CACNA1E: variants seen among roughly 807,000 people sequenced by gnomAD.
The protein encoded by CACNA1E is voltage-dependent R-type calcium channel subunit alpha-1E.
A neutral mutation model predicts 259.2 loss-of-function variants in CACNA1E; 40 were observed. The ratio of observed to expected loss-of-function variants is 0.15; its 90% CI spans 0.12 to 0.20. CACNA1E has a LOEUF of 0.20. Among genes scored for constraint, CACNA1E ranks in the 10% least tolerant of loss-of-function variants. The pLI, the probability that CACNA1E is intolerant of heterozygous loss-of-function variation, is 1.00. For missense variants in CACNA1E, 1,874 were observed against 3,040.1 expected (o/e 0.62, Z 9.02); for synonymous variants, 1,104 against 1,138.5 (o/e 0.97, Z 0.61).
At chr1:181,774,578 G>T (rs1403203161) in intron 37 of CACNA1E, among the ~76,000 whole-genome samples, 3 of 152,196 alleles carry the variant, frequency 2.0e-5, no homozygotes, top group Non-Finnish European at 2.9e-5. Flanking sequence ...TCACCTCTGT[G>T]GTGTGTCCCT....
chr1:181,578,134 C>T (rs1651159418), intron 4 of CACNA1E, among the ~76,000 whole-genome samples: 1 of 152,202 alleles, frequency 6.6e-6, no homozygotes, highest in African/African-American at 2.4e-5. Flanking sequence ...TATCTTATCA[C>T]TCAGAAATCA....
chr1:181,787,663 A>C (rs556926779), intron 43 of CACNA1E, among the ~76,000 whole-genome samples: 1 of 152,308 alleles, frequency 6.6e-6, no homozygotes, highest in African/African-American at 2.4e-5. Context: ...AAATTACAAG[A>C]GCAATACAGG....
intron 2 of CACNA1E, among the ~76,000 whole-genome samples, chr1:181,444,369 G>T (rs1660680038): frequency 6.6e-6 from 1 of 152,146 alleles, no homozygotes; most frequent in Non-Finnish European, 1.5e-5. Flanking sequence ...TGTGATGTGG[G>T]AGAGATGGAG....
intron 25 of CACNA1E, among the ~76,000 whole-genome samples, chr1:181,749,274 TAGC>T (rs1266689530): frequency 6.6e-6 from 1 of 152,192 alleles, no homozygotes; most frequent in Non-Finnish European, 1.5e-5. Context: ...CACTTCTTCT[TAGC>T]AGCAGGCCAG....
At chr1:181,741,113 A>T (rs553770156) in intron 25 of CACNA1E, among the ~76,000 whole-genome samples, 2 of 152,382 alleles carry the variant, frequency 1.3e-5, no homozygotes, top group South Asian at 4.1e-4. Context: ...GATCTCTAAA[A>T]ATCATGTGTC....
At chr1:181,355,030 C>G (rs1653317757) in intron 1 of CACNA1E, among the ~76,000 whole-genome samples, 1 of 152,176 alleles carries the variant, frequency 6.6e-6, no homozygotes, top group Non-Finnish European at 1.5e-5. Flanking sequence ...AAAGCTGAGC[C>G]CCACTGCCAG....
At position 181,738,280 on chromosome 1, in the gene CACNA1E, G is replaced by A. The variant is rs535611913; in HGVS notation, c.3553-87G>A. On this transcript the variant is annotated intron_variant, in intron 23 of 47. Coordinates refer to ENST00000367573, the MANE Select transcript of CACNA1E (RefSeq NM_001205293.3). Reference sequence around the variant, plus strand: ...GGTGAGGGCCAGGGTGGGCGTGCACGAGTGCATGTGTCCTGGCAGGTGGGA... The same window carrying A: ...GGTGAGGGCCAGGGTGGGCGTGCACAAGTGCATGTGTCCTGGCAGGTGGGA... 242 of 1,032,980 alleles carry A rather than the reference G, an allele frequency of 2.3e-4. 1 individual carries two copies. The highest frequency in any genetic ancestry group is 3.1e-4 in the Non-Finnish European group (203 of 651,234). The allele number at this position is 1,032,980 out of a possible 1,614,324, so 64.0% of individuals were successfully genotyped here. A position where few individuals can be genotyped will look rare whatever the true frequency, so the allele number is the denominator to read the frequency against.
chr1:181,781,349 C>T, intron 38 of CACNA1E, 78 bp from the exon 39 acceptor site: 2 of 723,946 alleles, frequency 2.8e-6, no homozygotes, highest in Non-Finnish European at 5.0e-6. Flanking sequence ...ATCCTTCTCC[C>T]CACTTCCTTC....
At chr1:181,328,884 T>A (rs1019636894) in intron 1 of CACNA1E, among the ~76,000 whole-genome samples, 5 of 152,298 alleles carry the variant, frequency 3.3e-5, no homozygotes, top group Admixed American at 3.3e-4. Flanking sequence ...AGGCACATTC[T>A]CACAGCCACC....
chr1:181,709,845 TAGG>T (rs977375693), intron 7 of CACNA1E, among the ~76,000 whole-genome samples: 2 of 152,078 alleles, frequency 1.3e-5, no homozygotes, highest in Non-Finnish European at 2.9e-5. Context: ...TCCCAGGTAG[TAGG>T]AGAACACCTG....
intron 2 of CACNA1E, among the ~76,000 whole-genome samples, chr1:181,470,170 T>A (rs1662408882): frequency 6.6e-6 from 1 of 151,520 alleles, no homozygotes. Context: ...TTTATTTTAA[T>A]TTTTTTTAGA....
At chr1:181,335,462 G>C (rs1451464195) in intron 1 of CACNA1E, among the ~76,000 whole-genome samples, 3 of 152,210 alleles carry the variant, frequency 2.0e-5, no homozygotes, top group South Asian at 2.1e-4. Context: ...TAAGCTTTCA[G>C]ACTCCTCTGG....
At chr1:181,575,805 C>T (rs1650910656) in intron 3 of CACNA1E, among the ~76,000 whole-genome samples, 1 of 152,176 alleles carries the variant, frequency 6.6e-6, no homozygotes, top group African/African-American at 2.4e-5. Flanking sequence ...CTGTGCTGTG[C>T]ACCTTACCTT....
chr1:181,322,080 C>T (rs960915145), intron 1 of CACNA1E, among the ~76,000 whole-genome samples: 1 of 152,106 alleles, frequency 6.6e-6, no homozygotes, highest in Admixed American at 6.6e-5. Context: ...GGTGGAGCAG[C>T]GACTGCCCTT....
At chr1:181,358,266 G>A (rs1301419084) in intron 1 of CACNA1E, among the ~76,000 whole-genome samples, 1 of 152,102 alleles carries the variant, frequency 6.6e-6, no homozygotes, top group Non-Finnish European at 1.5e-5. Flanking sequence ...GTTTGGAGCA[G>A]GTGAGTTATA....
intron 1 of CACNA1E, among the ~76,000 whole-genome samples, chr1:181,392,131 T>A (rs939342133): frequency 3.3e-5 from 5 of 152,036 alleles, no homozygotes; most frequent in Non-Finnish European, 5.9e-5. Flanking sequence ...GAATAGGGAG[T>A]TTGGTACCTC....
chr1:181,750,741 G>A lies in CACNA1E; in HGVS notation c.3731+254G>A, dbSNP rs1036456171. Among the ~76,000 whole-genome samples the A allele has an allele frequency of 1.4e-4, 21 of 152,142 alleles. 1 individual carries two copies. Among genetic ancestry groups the A allele is most frequent in the South Asian group, 6.2e-4 (3 of 4,830 alleles). On this transcript the variant is annotated intron_variant, in intron 26 of 47. Transcript: ENST00000367573. ...CAGATGAGCCTAATGCAGTGAAATC[G>A]TTTGTAAAACATGCCAAAGTCTCTG...
chr1:181,756,917 C>G lies in CACNA1E; in HGVS notation c.4128-8C>G. On this transcript the variant is annotated splice_polypyrimidine_tract_variant and splice_region_variant and intron_variant, in intron 29 of 47. Transcript: ENST00000367573. ...CACCATCTGTGCCCTCTTGTTCTGT[C>G]CCCATAGAGTTCTGCAGCACTCTGT... is the stretch of plus-strand genomic sequence containing the variant. The G allele has an allele frequency of 6.2e-7, 1 of 1,600,488 alleles. No individual in the cohort carries two copies. The highest frequency in any genetic ancestry group is 8.6e-7 in the Non-Finnish European group (1 of 1,167,628).
chr1:181,734,826 G>T (rs1248802769), intron 21 of CACNA1E, among the ~76,000 whole-genome samples: 1 of 139,244 alleles, frequency 7.2e-6, no homozygotes, highest in Non-Finnish European at 1.5e-5. Flanking sequence ...CCCTATCCTT[G>T]CCCTGACCCC....
Sources: allele counts gnomAD v4.1 joint callset (sites outside exome capture counted in the v4.1 genomes callset), GRCh38; gene constraint gnomAD v4.1.1; transcripts MANE v1.5; gene names NCBI Gene and HGNC (gene_info 2026-07-23, HGNC 2026-07-21).